Variants in UNC13C observed in about 807,000 individuals in gnomAD.
UNC13C encodes the protein protein unc-13 homolog C.
In UNC13C, 174 loss-of-function variants were observed where a neutral mutation model predicts 245.4. The ratio of observed to expected loss-of-function variants is 0.71; its 90% CI spans 0.63 to 0.80. The LOEUF (loss-of-function observed/expected upper bound fraction) is 0.80, where lower values mean the gene tolerates loss of function less well. Among genes scored for constraint, UNC13C ranks in the 30% least tolerant of loss-of-function variants. The probability of loss-of-function intolerance (pLI) is 0.00; values close to 1 mark genes in which losing one functional copy is unlikely to be tolerated. For synonymous variants in UNC13C, 992 were observed against 895.1 expected, an observed-to-expected ratio of 1.11 and a Z score of -1.93; for missense variants, 2,829 against 2,602.9, an observed-to-expected ratio of 1.09 and a Z score of -1.89.
chr15:54,002,999 C>T (rs891328163), intron 1 of UNC13C, among the ~76,000 whole-genome samples: 3 of 152,270 alleles, frequency 2.0e-5, no homozygotes, highest in South Asian at 2.1e-4. Context: ...TCCCAGCTTT[C>T]CTTTTCATGC....
intron 2 of UNC13C, among the ~76,000 whole-genome samples, chr15:54,113,084 A>C (rs2029935056): frequency 7.8e-6 from 1 of 127,650 alleles, no homozygotes; most frequent in Admixed American, 7.6e-5. Flanking sequence ...ATGTTAGGCG[A>C]GATTTTTTTT....
chr15:54,595,164 G>T (rs1325399459), intron 30 of UNC13C, among the ~76,000 whole-genome samples: 1 of 152,224 alleles, frequency 6.6e-6, no homozygotes, highest in East Asian at 1.9e-4. Flanking sequence ...GTGGGTTTCA[G>T]GAGGAGCCTA....
chr15:53,991,324 G>A (rs541317395), intron 1 of UNC13C, among the ~76,000 whole-genome samples: 4 of 152,058 alleles, frequency 2.6e-5, no homozygotes, highest in East Asian at 1.9e-4. Flanking sequence ...GAAGTAGACC[G>A]CTTGGTCTAA....
At chr15:54,182,714 T>G (rs2033843610) in intron 4 of UNC13C, among the ~76,000 whole-genome samples, 1 of 152,006 alleles carries the variant, frequency 6.6e-6, no homozygotes, top group African/African-American at 2.4e-5. Flanking sequence ...CTGAAATAAT[T>G]CATCAGCATA....
At chr15:53,844,784 A>G in the UNC13C span, among the ~76,000 whole-genome samples, 1 of 152,188 alleles carries the variant, frequency 6.6e-6, no homozygotes, top group Non-Finnish European at 1.5e-5. Context: ...TTTGGCCAGC[A>G]TTAAGCTTTT....
chr15:53,886,811 T>C, the UNC13C span, among the ~76,000 whole-genome samples: 1 of 152,120 alleles, frequency 6.6e-6, no homozygotes, highest in Non-Finnish European at 1.5e-5. Flanking sequence ...CATCATGAAA[T>C]TGACACTTTA....
At chr15:54,041,993 C>G (rs745936073) in intron 2 of UNC13C, among the ~76,000 whole-genome samples, 1 of 152,136 alleles carries the variant, frequency 6.6e-6, no homozygotes, top group Non-Finnish European at 1.5e-5. Context: ...GGTGCTGAGG[C>G]TTGGCATTCC....
intron 2 of UNC13C, among the ~76,000 whole-genome samples, chr15:54,111,684 A>G (rs1359012177): frequency 1.3e-5 from 2 of 152,192 alleles, no homozygotes; most frequent in Admixed American, 6.5e-5. Flanking sequence ...AGTTCATGGG[A>G]ATCAACAGGA....
At chr15:54,340,873 T>C (rs1441050167) in intron 17 of UNC13C, among the ~76,000 whole-genome samples, 1 of 152,190 alleles carries the variant, frequency 6.6e-6, no homozygotes, top group Admixed American at 6.5e-5. Context: ...AGATTGCTTT[T>C]GGCAGTATGG....
At chr15:54,197,053 A>G (rs1034051896) in intron 4 of UNC13C, among the ~76,000 whole-genome samples, 14 of 152,198 alleles carry the variant, frequency 9.2e-5, no homozygotes, top group African/African-American at 3.4e-4. Context: ...AACTTAAAGT[A>G]TAATAATAAT....
At chr15:54,325,743 A>G (rs969067945) in intron 14 of UNC13C, among the ~76,000 whole-genome samples, 7 of 152,114 alleles carry the variant, frequency 4.6e-5, no homozygotes, top group Non-Finnish European at 2.9e-5. Flanking sequence ...TATTAACTTT[A>G]TAACAACATT....
intron 4 of UNC13C, among the ~76,000 whole-genome samples, chr15:54,168,571 TAGAA>T (rs1330146212): frequency 6.6e-6 from 1 of 152,198 alleles, no homozygotes; most frequent in Non-Finnish European, 1.5e-5. Context: ...TAATATTTAA[TAGAA>T]AGGGTTTTTG....
intron 19 of UNC13C, among the ~76,000 whole-genome samples, chr15:54,458,725 C>T (rs1278535841): frequency 1.6e-5 from 2 of 124,254 alleles, no homozygotes. Flanking sequence ...TACTCCTGCT[C>T]ACTTTTGGAT....
chr15:53,846,430 G>A, the UNC13C span, among the ~76,000 whole-genome samples: 1 of 152,202 alleles, frequency 6.6e-6, no homozygotes, highest in African/African-American at 2.4e-5. Flanking sequence ...ATGAGTCCAT[G>A]AGACTAGTGA....
the UNC13C span, among the ~76,000 whole-genome samples, chr15:53,859,145 A>G: frequency 6.6e-6 from 1 of 152,304 alleles, no homozygotes; most frequent in Admixed American, 6.5e-5. Flanking sequence ...AAATAACTAA[A>G]TGAAACAAAA....
the UNC13C span, among the ~76,000 whole-genome samples, chr15:53,955,201 C>T: frequency 6.6e-6 from 1 of 151,896 alleles, no homozygotes; most frequent in South Asian, 2.1e-4. Flanking sequence ...GCCACAGATG[C>T]TGAATTGCTT....
At chr15:53,891,367 T>C in the UNC13C span, among the ~76,000 whole-genome samples, 2 of 152,180 alleles carry the variant, frequency 1.3e-5, no homozygotes, top group Admixed American at 6.5e-5. Flanking sequence ...GTTCTGTGCA[T>C]ATCTATTAGG....
chr15:53,886,817 CTTTACCTCTGTGA>C, the UNC13C span, among the ~76,000 whole-genome samples: 1 of 152,130 alleles, frequency 6.6e-6, no homozygotes, highest in East Asian at 1.9e-4. Flanking sequence ...GAAATTGACA[CTTTACCTCTGTGA>C]TTTACCTCCC....
intron 1 of UNC13C, among the ~76,000 whole-genome samples, chr15:54,009,329 A>G (rs1895277000): frequency 6.6e-6 from 1 of 152,146 alleles, no homozygotes; most frequent in Non-Finnish European, 1.5e-5. Flanking sequence ...CCACCTGATT[A>G]GTCTTCTGTA....
Sources: allele counts gnomAD v4.1 joint callset (sites outside exome capture counted in the v4.1 genomes callset), GRCh38; gene constraint gnomAD v4.1.1; transcripts MANE v1.5; gene names NCBI Gene and HGNC (gene_info 2026-07-23, HGNC 2026-07-21).